Variants in APBA1 observed in about 807,000 individuals in gnomAD.
APBA1 encodes the protein amyloid-beta A4 precursor protein-binding family A member 1.
In APBA1, 55 loss-of-function variants were observed where a neutral mutation model predicts 86.6. The ratio of observed to expected loss-of-function variants is 0.64; its 90% CI spans 0.51 to 0.80. The LOEUF is 0.80. Among genes scored for constraint, APBA1 ranks in the 30% least tolerant of loss-of-function variants. APBA1 has a pLI of 0.00. For synonymous variants in APBA1, 511 were observed against 493.9 expected (o/e 1.03, Z -0.46); for missense variants, 1,090 against 1,183.0 (o/e 0.92, Z 1.15).
intron 2 of APBA1, among the ~76,000 whole-genome samples, chr9:69,487,394 G>C (rs916131041): frequency 3.3e-5 from 5 of 152,078 alleles, no homozygotes; most frequent in Non-Finnish European, 5.9e-5. Context: ...GTAAACAGTG[G>C]TCACTGTCTC....
intron 1 of APBA1, among the ~76,000 whole-genome samples, chr9:69,572,148 C>T (rs1244545039): frequency 1.3e-5 from 2 of 152,082 alleles, no homozygotes; most frequent in African/African-American, 2.4e-5. Flanking sequence ...CATAGGTAAA[C>T]GTGTGCCATG....
At chr9:69,649,101 T>C (rs1051850549) in intron 1 of APBA1, among the ~76,000 whole-genome samples, 2 of 152,190 alleles carry the variant, frequency 1.3e-5, no homozygotes, top group Non-Finnish European at 2.9e-5. Context: ...AGTCTGTCCA[T>C]TTCTCTCCAG....
At chr9:69,667,683 C>T (rs571700774) in intron 1 of APBA1, among the ~76,000 whole-genome samples, 1 of 151,752 alleles carries the variant, frequency 6.6e-6, no homozygotes, top group Middle Eastern at 3.4e-3. Context: ...ATAAAGCAGG[C>T]TCAAGTCTTC....
In APBA1 at chr9:69,428,157, G is replaced by T. The variant is rs1000460731; in HGVS notation, c.*3170C>A. 3 of 152,242 alleles carry T rather than the reference G, an allele frequency of 2.0e-5. No homozygotes were observed. Among genetic ancestry groups the T allele is most frequent in the African/African-American group, 4.8e-5 (2 of 41,422 alleles). 9.4% of individuals were successfully genotyped at this position (152,242 alleles called of 1,614,324 possible). A position where few individuals can be genotyped will look rare whatever the true frequency, so the allele number is the denominator to read the frequency against. Reference sequence around the variant, plus strand: ...CACTGGGTCGAGGGACCCGGGAAGGGCTCTGTAGATGGTTTTCATCTGTGT... The same window carrying T: ...CACTGGGTCGAGGGACCCGGGAAGGTCTCTGTAGATGGTTTTCATCTGTGT... On this transcript the variant is annotated 3_prime_UTR_variant, in exon 13 of 13. Coordinates refer to ENST00000265381, the MANE Select transcript of APBA1 (RefSeq NM_001163.4).
At chr9:69,642,108 G>A (rs1823299406) in intron 1 of APBA1, among the ~76,000 whole-genome samples, 1 of 152,194 alleles carries the variant, frequency 6.6e-6, no homozygotes, top group Non-Finnish European at 1.5e-5. Context: ...TATAAAAGCA[G>A]AAGTTAATAA....
intron 1 of APBA1, among the ~76,000 whole-genome samples, chr9:69,584,220 CGTGTGT>C (rs145506611): frequency 6.6e-6 from 1 of 151,262 alleles, no homozygotes; most frequent in African/African-American, 2.4e-5. Context: ...TGTACATCTC[CGTGTGT>C]GTGTGTGTGT....
At chr9:69,621,687 T>C (rs1822820559) in intron 1 of APBA1, among the ~76,000 whole-genome samples, 1 of 49,354 alleles carries the variant, frequency 2.0e-5, no homozygotes, top group African/African-American at 6.5e-5. Context: ...CATATATATA[T>C]CAAGTACTTA....
At chr9:69,534,991 T>A (rs1184563345) in intron 1 of APBA1, among the ~76,000 whole-genome samples, 2 of 152,198 alleles carry the variant, frequency 1.3e-5, no homozygotes, top group Non-Finnish European at 2.9e-5. Flanking sequence ...AAATGACACA[T>A]CATCTGGTCT....
At chr9:69,499,903 C>T (rs1835856363) in intron 2 of APBA1, among the ~76,000 whole-genome samples, 1 of 152,082 alleles carries the variant, frequency 6.6e-6, no homozygotes, top group Non-Finnish European at 1.5e-5. Flanking sequence ...AGGAGAGTGG[C>T]TGGTTTCTGA....
At chr9:69,500,222 G>A (rs1435967311) in intron 2 of APBA1, among the ~76,000 whole-genome samples, 1 of 152,104 alleles carries the variant, frequency 6.6e-6, no homozygotes, top group Non-Finnish European at 1.5e-5. Flanking sequence ...CCTAGAGAGG[G>A]TGAGGAAGGG....
chr9:69,546,503 A>T (rs1256090379), intron 1 of APBA1, among the ~76,000 whole-genome samples: 1 of 152,228 alleles, frequency 6.6e-6, no homozygotes, highest in East Asian at 1.9e-4. Context: ...CCACGGTCAC[A>T]GATCCATTCC....
At chr9:69,635,990 A>G (rs1158374963) in intron 1 of APBA1, among the ~76,000 whole-genome samples, 1 of 152,224 alleles carries the variant, frequency 6.6e-6, no homozygotes, top group Non-Finnish European at 1.5e-5. Context: ...AGAATGAGGG[A>G]AAATATTTGC....
chr9:69,665,882 T>A (rs1208521941), intron 1 of APBA1, among the ~76,000 whole-genome samples: 3 of 152,156 alleles, frequency 2.0e-5, no homozygotes, highest in Non-Finnish European at 2.9e-5. Flanking sequence ...ACTACAAGCA[T>A]GCGCCACCAT....
At chr9:69,502,293 G>C (rs1166452789) in intron 2 of APBA1, among the ~76,000 whole-genome samples, 2 of 152,042 alleles carry the variant, frequency 1.3e-5, no homozygotes, top group Non-Finnish European at 2.9e-5. Flanking sequence ...CACCTGCCAG[G>C]CAACACATCT....
intron 1 of APBA1, among the ~76,000 whole-genome samples, chr9:69,561,878 C>T (rs1309875251): frequency 3.3e-5 from 5 of 152,090 alleles, no homozygotes; most frequent in African/African-American, 4.8e-5. Flanking sequence ...CCGCCCATCT[C>T]GGTTTCCCAA....
chr9:69,453,997 A>G (rs1835054978), intron 8 of APBA1, among the ~76,000 whole-genome samples: 1 of 152,234 alleles, frequency 6.6e-6, no homozygotes, highest in Non-Finnish European at 1.5e-5. Context: ...TCCAGAGCCC[A>G]TCCTCCTGCC....
At chr9:69,523,463 GTA>G (rs1396175369) in intron 1 of APBA1, among the ~76,000 whole-genome samples, 129 of 109,174 alleles carry the variant, frequency 1.2e-3, no homozygotes, top group African/African-American at 4.0e-3. Flanking sequence ...TCATGTATGT[GTA>G]TATATATATA....
rs183830525 is a variant in APBA1 at position 69,496,774 on chromosome 9, G to A, written c.1200+19237C>T. Among the ~76,000 whole-genome samples the A allele has an allele frequency of 9.9e-5, 15 of 152,168 alleles. No homozygotes were observed. The East Asian group carries it at 2.9e-3, about 29-fold the overall frequency. On this transcript the variant is annotated intron_variant, in intron 2 of 12. Transcript: ENST00000265381. ...TAAAGAGAGAAAATCTTGGGGTGTTGATTCTCAAGAGTCCAGACTGAATAT... is the reference window on the plus strand; with the variant it reads ...TAAAGAGAGAAAATCTTGGGGTGTTAATTCTCAAGAGTCCAGACTGAATAT...
chr9:69,435,888 T>A (rs1179717468), intron 11 of APBA1, among the ~76,000 whole-genome samples: 3 of 152,148 alleles, frequency 2.0e-5, no homozygotes, highest in Admixed American at 6.6e-5. Flanking sequence ...CTGAATGGTA[T>A]TGCCTAGGGT....
Sources: allele counts gnomAD v4.1 joint callset (sites outside exome capture counted in the v4.1 genomes callset), GRCh38; gene constraint gnomAD v4.1.1; transcripts MANE v1.5; gene names NCBI Gene and HGNC (gene_info 2026-07-23, HGNC 2026-07-21).